The following RAB3GAP2 variants were observed in gnomAD, a reference collection of about 807,000 sequenced individuals.
RAB3GAP2 encodes rab3 GTPase-activating protein non-catalytic subunit.
Under a neutral mutation model 185.3 loss-of-function variants are expected in RAB3GAP2, and 87 were observed. That is an observed-to-expected ratio of 0.47 (90% CI 0.39 to 0.56). RAB3GAP2 has a LOEUF of 0.56. Ranked by LOEUF, RAB3GAP2 falls within the 20% of genes least tolerant of loss-of-function variation. The pLI, the probability that RAB3GAP2 is intolerant of heterozygous loss-of-function variation, is 0.00. For synonymous variants in RAB3GAP2, 554 were observed against 576.1 expected (o/e 0.96, Z 0.55); for missense variants, 1,492 against 1,638.2 (o/e 0.91, Z 1.54).
At chr1:220,164,516 C>T (rs182992043) in intron 27 of RAB3GAP2, among the ~76,000 whole-genome samples, 3 of 145,398 alleles carry the variant, frequency 2.1e-5, no homozygotes, top group African/African-American at 7.8e-5. Context: ...CACTCTGTCA[C>T]CCAGGCTGGA....
chr1:220,261,812 C>G (rs1009061993), intron 1 of RAB3GAP2, among the ~76,000 whole-genome samples: 1 of 152,142 alleles, frequency 6.6e-6, no homozygotes, highest in Non-Finnish European at 1.5e-5. Flanking sequence ...AGCAGAGATT[C>G]TTAGTATGCT....
chr1:220,239,390 C>T (rs1381667561), intron 1 of RAB3GAP2, among the ~76,000 whole-genome samples: 1 of 152,008 alleles, frequency 6.6e-6, no homozygotes, highest in Non-Finnish European at 1.5e-5. Context: ...GCCACCATGT[C>T]CGGCAAATTT....
At chr1:220,208,535 A>T (rs895485356) in intron 7 of RAB3GAP2, among the ~76,000 whole-genome samples, 2 of 152,142 alleles carry the variant, frequency 1.3e-5, no homozygotes, top group Non-Finnish European at 2.9e-5. Context: ...ATTTCCTACC[A>T]TCGCCTCAAA....
At chr1:220,238,995 G>C (rs958806030) in intron 1 of RAB3GAP2, among the ~76,000 whole-genome samples, 26 of 151,984 alleles carry the variant, frequency 1.7e-4, no homozygotes, top group African/African-American at 6.3e-4. Flanking sequence ...ATAAATATTT[G>C]CTAAACGAAT....
intron 1 of RAB3GAP2, among the ~76,000 whole-genome samples, chr1:220,260,525 T>G (rs1469116941): frequency 6.6e-6 from 1 of 151,572 alleles, no homozygotes; most frequent in Non-Finnish European, 1.5e-5. Flanking sequence ...TGTTCTGACT[T>G]ATAAGTGGGA....
At position 220,172,038 on chromosome 1, in the gene RAB3GAP2, C is replaced by T. The variant is rs1177781566; in HGVS notation, c.2428G>A (p.Glu810Lys). Residue 810 changes from glutamate to lysine, a missense_variant, in exon 23 of 35, where the codon GAG becomes AAG. Around this residue, in one of 5 missense-constraint regions of RAB3GAP2, gnomAD observed 681 missense variants for 689.1 expected, o/e 0.99. Transcript: ENST00000358951. ...LLSKMKVAID[E>K]TWDSQSVSPW... is the part of the protein sequence containing the mutation. ...GACACAGACTGAGAATCCCAGGTCT[C>T]ATCGATGGCCACTATAGGGATAGGA... The T allele has an allele frequency of 2.5e-6, 4 of 1,614,028 alleles. No individual in the cohort carries two copies. Among genetic ancestry groups the T allele is most frequent in the Admixed American group, 1.7e-5 (1 of 60,002 alleles).
chr1:220,232,041 T>G (rs182404069), intron 2 of RAB3GAP2, among the ~76,000 whole-genome samples: 2 of 152,358 alleles, frequency 1.3e-5, no homozygotes, highest in East Asian at 3.9e-4. Context: ...TGTGAAAATA[T>G]ACTAACATAT....
intron 7 of RAB3GAP2, among the ~76,000 whole-genome samples, chr1:220,209,966 C>A (rs1659048356): frequency 6.6e-6 from 1 of 152,032 alleles, no homozygotes; most frequent in South Asian, 2.1e-4. Flanking sequence ...GCTTAGTAAC[C>A]CCTTTTCTGA....
chr1:220,199,390 G>A (rs1300131316), intron 9 of RAB3GAP2, among the ~76,000 whole-genome samples: 2 of 152,108 alleles, frequency 1.3e-5, no homozygotes, highest in Non-Finnish European at 2.9e-5. Flanking sequence ...TTATTCTTAA[G>A]ACTATATTAA....
intron 2 of RAB3GAP2, 70 bp from the exon 3 acceptor site, chr1:220,214,049 C>T: frequency 6.8e-7 from 1 of 1,476,976 alleles, no homozygotes; most frequent in Non-Finnish European, 9.5e-7. Flanking sequence ...TTGCCTGTCT[C>T]AAGGGGTGAG....
At chr1:220,201,568 T>G (rs969718218) in intron 9 of RAB3GAP2, among the ~76,000 whole-genome samples, 2 of 152,100 alleles carry the variant, frequency 1.3e-5, no homozygotes, top group African/African-American at 4.8e-5. Flanking sequence ...GGCGTGATCT[T>G]GGCTCACTGC....
chr1:220,159,914 G>A (rs1657933700), intron 28 of RAB3GAP2, among the ~76,000 whole-genome samples: 1 of 152,064 alleles, frequency 6.6e-6, no homozygotes, highest in African/African-American at 2.4e-5. Flanking sequence ...CTACTCGGGA[G>A]GCTGAGGCAG....
chr1:220,151,210 T>A lies in RAB3GAP2; in HGVS notation c.*41A>T, dbSNP rs559464019. 2 of 1,587,844 alleles carry A rather than the reference T, an allele frequency of 1.3e-6. No individual in the cohort carries two copies. Among genetic ancestry groups the A allele is most frequent in the African/African-American group, 1.3e-5 (1 of 74,414 alleles). ...TGTAAAATAACCATGCACTACTTCA[T>A]GTTATAATCATAATTTTAGACTATT... On this transcript the variant is annotated 3_prime_UTR_variant, in exon 35 of 35. Transcript: ENST00000358951.
chr1:220,166,148 T>C (rs1421094389), intron 26 of RAB3GAP2, among the ~76,000 whole-genome samples: 2 of 152,246 alleles, frequency 1.3e-5, no homozygotes, highest in Non-Finnish European at 2.9e-5. Context: ...AGGATTCCTC[T>C]GTCCTAAAAT....
rs770637706 is a variant in RAB3GAP2 at position 220,193,430 on chromosome 1, CAT to C, written c.1131-53_1131-52del. 1.4e-4 allele frequency: 212 copies of C among 1,568,048 alleles called. No individual in the cohort carries two copies. The East Asian group carries it at 2.9e-3, about 22-fold the overall frequency. ...CTCAAATCACATTCCAGTTCAGAAA[CAT>C]ATAACAGAATAACGAAATGCATAAA... is the stretch of plus-strand genomic sequence containing the variant. On this transcript the variant is annotated intron_variant, in intron 12 of 34. Transcript: ENST00000358951.
rs1313342963 is a variant in RAB3GAP2 at position 220,182,764 on chromosome 1, A to G, written c.2166T>C (p.Asp722=). The stretch of plus-strand genomic sequence containing the variant: ...CACTTATTTTCTTTATGTTGAGCAC[A>G]TCCTTTTCATATTCTAAATATTCCA... ...TFLEYLEYEK[D]VLNIKKISEE... is the part of the protein sequence containing the mutation. Residue 722 remains aspartate, a synonymous_variant, in exon 20 of 35, where the codon GAT becomes GAC. Coordinates refer to ENST00000358951, the MANE Select transcript of RAB3GAP2 (RefSeq NM_012414.4). The G allele has an allele frequency of 3.1e-6, 5 of 1,612,050 alleles. No individual in the cohort carries two copies. The South Asian group carries it at 5.5e-5, about 18-fold the overall frequency.
chr1:220,240,459 A>G (rs1297044804), intron 1 of RAB3GAP2, among the ~76,000 whole-genome samples: 3 of 151,768 alleles, frequency 2.0e-5, no homozygotes, highest in Non-Finnish European at 4.4e-5. Flanking sequence ...ATTCTTATCC[A>G]TTTTTTTCCT....
intron 20 of RAB3GAP2, 151 bp downstream of exon 20, chr1:220,182,567 A>T: frequency 2.4e-6 from 3 of 1,225,636 alleles, no homozygotes; most frequent in Non-Finnish European, 3.3e-6. Context: ...TGTTGACCAG[A>T]GTATCTTTTG....
At chr1:220,167,703 A>T in intron 24 of RAB3GAP2, 28 bp from the exon 25 acceptor site, 1 of 1,606,432 alleles carries the variant, frequency 6.2e-7, no homozygotes, top group Non-Finnish European at 8.5e-7. Flanking sequence ...GAAAGAAAAT[A>T]AAAATTTACA....
Sources: gnomAD v4.1 joint callset for allele counts (sites outside exome capture counted in the v4.1 genomes callset) on GRCh38, gnomAD v4.1.1 for gene constraint, gnomAD v4.1.1 regional missense constraint, MANE v1.5 for transcripts, NCBI Gene and HGNC (gene_info 2026-07-23, HGNC 2026-07-21) for gene names.